The following MYLK variants were observed in gnomAD, a reference collection of about 807,000 sequenced individuals.
MYLK encodes the protein myosin light chain kinase.
In MYLK, 106 loss-of-function variants were observed where a neutral mutation model predicts 203.4. The ratio of observed to expected loss-of-function variants is 0.52; its 90% CI spans 0.45 to 0.61. MYLK has a LOEUF of 0.61. MYLK is among the 20% of genes least tolerant of loss of function. The probability of loss-of-function intolerance (pLI) is 0.00; values close to 1 mark genes in which losing one functional copy is unlikely to be tolerated. For missense variants in MYLK, 2,072 were observed against 2,442.3 expected, an observed-to-expected ratio of 0.85 and a Z score of 3.20; for synonymous variants, 867 against 959.5, an observed-to-expected ratio of 0.90 and a Z score of 1.78.
At chr3:123,880,021 G>A (rs2033427717) in intron 1 of MYLK, among the ~76,000 whole-genome samples, 1 of 152,106 alleles carries the variant, frequency 6.6e-6, no homozygotes, top group Admixed American at 6.5e-5. Context: ...AGTGTCTGCT[G>A]GTTGATTTAC....
chr3:123,701,916 A>G (rs956984092), intron 16 of MYLK, among the ~76,000 whole-genome samples: 1 of 152,246 alleles, frequency 6.6e-6, no homozygotes, highest in Non-Finnish European at 1.5e-5. Context: ...GGGCCTGCCC[A>G]GTGACCTTGA....
At chr3:123,829,293 A>T (rs1017831568) in intron 3 of MYLK, among the ~76,000 whole-genome samples, 1 of 152,250 alleles carries the variant, frequency 6.6e-6, no homozygotes, top group Non-Finnish European at 1.5e-5. Flanking sequence ...ATTTGCGGCA[A>T]CACGGATAGA....
At chr3:123,826,469 C>A (rs1342592618) in intron 3 of MYLK, among the ~76,000 whole-genome samples, 1 of 152,222 alleles carries the variant, frequency 6.6e-6, no homozygotes, top group African/African-American at 2.4e-5. Flanking sequence ...GTGTCACAAG[C>A]ATAAGAAACA....
chr3:123,653,983 A>AAGT (rs2059303669), intron 24 of MYLK, among the ~76,000 whole-genome samples: 1 of 99,604 alleles, frequency 1.0e-5, no homozygotes, highest in African/African-American at 3.1e-5. Context: ...TTTCAGAGGG[A>AAGT]TGTTGTGTGT....
At chr3:123,853,910 C>T (rs556468508) in intron 2 of MYLK, among the ~76,000 whole-genome samples, 2 of 152,094 alleles carry the variant, frequency 1.3e-5, no homozygotes, top group Admixed American at 6.6e-5. Flanking sequence ...ATGTGACATG[C>T]TTTGACTAAC....
chr3:123,642,063 C>A lies in MYLK; in HGVS notation c.4620-1559G>T, dbSNP rs1183101662. On this transcript the variant is annotated intron_variant, in intron 27 of 33. Coordinates refer to ENST00000360304, the MANE Select transcript of MYLK (RefSeq NM_053025.4). This position sits in a 1 kb window ranked among gnomAD's most constrained non-coding sequence, Gnocchi z 4.2. ...TAGAGACAGGGTCTCTCTCTGTCAC[C>A]CAGTCATAAGCTCATGTTTCTGCAG... is the stretch of plus-strand genomic sequence containing the variant. Among the ~76,000 whole-genome samples, 1 of 151,952 alleles carries A rather than the reference C, an allele frequency of 6.6e-6. No homozygotes were observed. The highest frequency in any genetic ancestry group is 2.4e-5 in the African/African-American group (1 of 41,374).
intron 4 of MYLK, among the ~76,000 whole-genome samples, chr3:123,787,254 G>A (rs1016187279): frequency 5.9e-5 from 9 of 152,286 alleles, no homozygotes; most frequent in South Asian, 2.1e-4. Context: ...CTGAGGCTGC[G>A]TAGAATGGAA....
chr3:123,838,676 T>C (rs1259009679), intron 2 of MYLK, among the ~76,000 whole-genome samples: 1 of 152,196 alleles, frequency 6.6e-6, no homozygotes, highest in Non-Finnish European at 1.5e-5. Context: ...TTTTATACCA[T>C]ACGTGAAGTG....
intron 4 of MYLK, among the ~76,000 whole-genome samples, chr3:123,755,901 A>C (rs1224349271): frequency 6.6e-6 from 1 of 152,166 alleles, no homozygotes; most frequent in Non-Finnish European, 1.5e-5. Context: ...CAGAAGCAGA[A>C]CCTCAGATAG....
At chr3:123,680,506 T>C (rs2060227170) in intron 20 of MYLK, among the ~76,000 whole-genome samples, 1 of 152,246 alleles carries the variant, frequency 6.6e-6, no homozygotes, top group African/African-American at 2.4e-5. Flanking sequence ...TATTAACCCA[T>C]TCTCACCAGA....
At chr3:123,653,027 A>G (rs115695549) in intron 24 of MYLK, among the ~76,000 whole-genome samples, 171 of 152,296 alleles carry the variant, frequency 1.1e-3, no homozygotes, top group Non-Finnish European at 1.7e-3. Context: ...TAGGGTACCA[A>G]CAGGGATGCA....
chr3:123,814,808 T>G (rs1824062), intron 3 of MYLK, among the ~76,000 whole-genome samples: 1 of 151,892 alleles, frequency 6.6e-6, no homozygotes, highest in South Asian at 2.1e-4. Context: ...TTCTTTCTTT[T>G]TTTAGATGGA....
intron 2 of MYLK, among the ~76,000 whole-genome samples, chr3:123,861,288 G>GCCCCTACC: frequency 6.6e-6 from 1 of 152,370 alleles, no homozygotes. Flanking sequence ...AAGCTCTGCA[G>GCCCCTACC]CGAGACAGCT....
chr3:123,745,267 C>T (rs1373976849), intron 5 of MYLK, among the ~76,000 whole-genome samples: 2 of 152,032 alleles, frequency 1.3e-5, no homozygotes, highest in African/African-American at 4.8e-5. Flanking sequence ...CCCCCTAAAT[C>T]CAGCAACACT....
chr3:123,842,616 C>T (rs578178259), intron 2 of MYLK, among the ~76,000 whole-genome samples: 1 of 152,254 alleles, frequency 6.6e-6, no homozygotes, highest in East Asian at 1.9e-4. Flanking sequence ...TCCAAAGAAT[C>T]ATATAGTCAA....
intron 5 of MYLK, among the ~76,000 whole-genome samples, chr3:123,743,800 C>T (rs2062932679): frequency 6.6e-6 from 1 of 152,166 alleles, no homozygotes; most frequent in Non-Finnish European, 1.5e-5. Flanking sequence ...CGGGTCAGAA[C>T]ATACTGCTCA....
chr3:123,825,675 A>G (rs1383329745), intron 3 of MYLK, among the ~76,000 whole-genome samples: 1 of 152,232 alleles, frequency 6.6e-6, no homozygotes, highest in South Asian at 2.1e-4. Flanking sequence ...TCTGGGGGCC[A>G]GTAAGTACTG....
chr3:123,708,622 T>C (rs1459406783), intron 15 of MYLK, 76 bp downstream of exon 15: 1 of 1,566,162 alleles, frequency 6.4e-7, no homozygotes, highest in African/African-American at 1.4e-5. Context: ...TCATGTGGTT[T>C]CCTTGCCTCC....
At chr3:123,820,644 C>CTCCT (rs1171629371) in intron 3 of MYLK, among the ~76,000 whole-genome samples, 1 of 26,110 alleles carries the variant, frequency 3.8e-5, no homozygotes, top group African/African-American at 1.0e-4. Context: ...CCTTCCTTCC[C>CTCCT]TCCTTCCTTC....
Sources: allele counts gnomAD v4.1 joint callset (sites outside exome capture counted in the v4.1 genomes callset), GRCh38; gene constraint gnomAD v4.1.1; non-coding constraint Gnocchi (gnomAD v3.1); transcripts MANE v1.5; gene names NCBI Gene and HGNC (gene_info 2026-07-23, HGNC 2026-07-21).